Variants in IQSEC1 observed in about 807,000 individuals in gnomAD.
IQSEC1 encodes IQ motif and Sec7 domain ArfGEF 1.
Under a neutral mutation model 91.0 loss-of-function variants are expected in IQSEC1, and 31 were observed. The ratio of observed to expected loss-of-function variants is 0.34; its 90% confidence interval spans 0.26 to 0.46. The LOEUF (loss-of-function observed/expected upper bound fraction) is 0.46. IQSEC1 is among the 20% of genes least tolerant of loss of function. The pLI is 1.00. For synonymous variants in IQSEC1, 699 were observed against 662.6 expected (o/e 1.05, Z -0.84); for missense variants, 1,388 against 1,575.6 (o/e 0.88, Z 2.02).
At chr3:13,137,181 A>G (rs545942846) in intron 2 of IQSEC1, among the ~76,000 whole-genome samples, 1 of 152,326 alleles carries the variant, frequency 6.6e-6, no homozygotes, top group East Asian at 1.9e-4. Flanking sequence ...GACCACTCAC[A>G]TACCTGTAAT....
intron 1 of IQSEC1, among the ~76,000 whole-genome samples, chr3:13,002,487 T>C (rs973949310): frequency 2.7e-5 from 4 of 148,466 alleles, no homozygotes; most frequent in Non-Finnish European, 4.4e-5. Context: ...TTCGAGACTG[T>C]AGGGAGCCAT....
intron 1 of IQSEC1, among the ~76,000 whole-genome samples, chr3:13,257,562 A>G (rs1169100966): frequency 6.6e-6 from 1 of 151,878 alleles, no homozygotes; most frequent in Non-Finnish European, 1.5e-5. Flanking sequence ...AGCCTCAGGG[A>G]GACTCGGGAC....
At position 12,908,199 on chromosome 3, in the gene IQSEC1, A is replaced by T; in HGVS notation, c.2755+150T>A. ...TTGGGGCGCCCTTTCTGTATGTCAC[A>T]CGCTGCTCTGCTTTGCGGAAGGTCA... is the stretch of plus-strand genomic sequence containing the variant. On this transcript the variant is annotated intron_variant, in intron 12 of 13. Coordinates refer to ENST00000613206, the MANE Select transcript of IQSEC1 (RefSeq NM_001134382.3). This position sits in a 1 kb window ranked among gnomAD's most constrained non-coding sequence, Gnocchi z 4.9. 1.3e-6 allele frequency: 1 copy of T among 771,588 alleles called. No individual in the cohort carries two copies. The highest frequency in any genetic ancestry group is 2.7e-5 in the East Asian group (1 of 37,072). 47.8% of individuals were successfully genotyped at this position (771,588 alleles called of 1,614,324 possible).
intron 1 of IQSEC1, among the ~76,000 whole-genome samples, chr3:13,000,944 G>A (rs575077337): frequency 7.9e-6 from 1 of 125,788 alleles, no homozygotes; most frequent in South Asian, 2.7e-4. Flanking sequence ...TTACCCAAGT[G>A]AGTCTTTTTT....
Position 12,922,245 on chromosome 3 carries a change from G to T in IQSEC1, c.1731-3C>A, listed in dbSNP as rs1470770818. 6.3e-7 allele frequency: 1 copy of T among 1,583,454 alleles called. No homozygotes were observed. Among genetic ancestry groups the T allele is most frequent in the Non-Finnish European group, 8.6e-7 (1 of 1,158,808 alleles). ...AGTCCATCTCGTCCACGACGCAGCT[G>T]GAATAGAGACAGACAGCCCCGCATA... On this transcript the variant is annotated splice_polypyrimidine_tract_variant and splice_region_variant and intron_variant, in intron 4 of 13. Coordinates refer to ENST00000613206, the MANE Select transcript of IQSEC1 (RefSeq NM_001134382.3). The surrounding 1 kb of genome is among the most constrained non-coding windows in gnomAD (Gnocchi z 5.1).
chr3:13,210,520 C>T (rs1694424509), intron 1 of IQSEC1, among the ~76,000 whole-genome samples: 1 of 152,168 alleles, frequency 6.6e-6, no homozygotes. Flanking sequence ...CTGTAGTGCT[C>T]AGAAGGAGGG....
At chr3:12,919,167 A>G (rs1044368642) in intron 6 of IQSEC1, among the ~76,000 whole-genome samples, 4 of 152,202 alleles carry the variant, frequency 2.6e-5, no homozygotes, top group African/African-American at 9.6e-5. Context: ...TGTACCATCA[A>G]AGTGTCCACT....
chr3:13,253,432 C>A (rs898571074), intron 1 of IQSEC1, among the ~76,000 whole-genome samples: 2 of 152,132 alleles, frequency 1.3e-5, no homozygotes, highest in African/African-American at 4.8e-5. Flanking sequence ...GCCAAGATGG[C>A]GGGTATTGAG....
chr3:13,166,603 A>G (rs916186471), intron 1 of IQSEC1, among the ~76,000 whole-genome samples: 4 of 152,256 alleles, frequency 2.6e-5, no homozygotes, highest in African/African-American at 9.6e-5. Flanking sequence ...ATTGGCCCCT[A>G]AAATGTGGTG....
At chr3:13,130,114 G>C (rs1706585710) in intron 2 of IQSEC1, among the ~76,000 whole-genome samples, 1 of 151,356 alleles carries the variant, frequency 6.6e-6, no homozygotes, top group Non-Finnish European at 1.5e-5. Context: ...GGGAGGCCGA[G>C]GCGGGAGGAT....
chr3:13,201,853 TGA>T (rs1694251910), intron 1 of IQSEC1, among the ~76,000 whole-genome samples: 1 of 152,264 alleles, frequency 6.6e-6, no homozygotes, highest in Admixed American at 6.5e-5. Context: ...TCTGTGTTGC[TGA>T]GAGAGTTCAT....
At chr3:13,260,982 T>C (rs541885474) in intron 1 of IQSEC1, among the ~76,000 whole-genome samples, 2 of 152,320 alleles carry the variant, frequency 1.3e-5, no homozygotes, top group African/African-American at 4.8e-5. Context: ...GTGTGGGGAC[T>C]GGGGATGGCC....
chr3:13,063,412 C>T (rs2125093618), intron 1 of IQSEC1, among the ~76,000 whole-genome samples: 1 of 152,288 alleles, frequency 6.6e-6, no homozygotes, highest in East Asian at 1.9e-4. Context: ...TGTCTCTGTC[C>T]CAGCTGCCCA....
chr3:12,979,927 G>A lies in IQSEC1; in HGVS notation c.24-38062C>T, dbSNP rs1333640002. The stretch of plus-strand genomic sequence containing the variant: ...GCAACAAGAAACAGCATACTCAAGC[G>A]AGAAATGATTTCCCGACTACCTGAG... On this transcript the variant is annotated intron_variant, in intron 1 of 13. Coordinates refer to ENST00000613206, the MANE Select transcript of IQSEC1 (RefSeq NM_001134382.3). This position sits in a 1 kb window ranked among gnomAD's most constrained non-coding sequence, Gnocchi z 4.3. 1.5e-4 allele frequency among the ~76,000 whole-genome samples: 23 copies of A among 152,164 alleles called. No homozygotes were observed. Among genetic ancestry groups the A allele is most frequent in the Non-Finnish European group, 4.4e-5 (3 of 68,042 alleles).
intron 2 of IQSEC1, among the ~76,000 whole-genome samples, chr3:13,089,639 A>T (rs1705803056): frequency 6.6e-6 from 1 of 152,198 alleles, no homozygotes; most frequent in Non-Finnish European, 1.5e-5. Context: ...ACATGGATAA[A>T]CCTTGGAAAC....
chr3:13,278,407 C>T (rs890108770), intron 1 of IQSEC1, among the ~76,000 whole-genome samples: 3 of 152,222 alleles, frequency 2.0e-5, no homozygotes. Flanking sequence ...AGATTGCACA[C>T]GGCAGGGTGG....
chr3:13,133,038 C>T (rs1009304998), intron 2 of IQSEC1, among the ~76,000 whole-genome samples: 2 of 152,232 alleles, frequency 1.3e-5, no homozygotes, highest in African/African-American at 2.4e-5. Context: ...ATCGACATGG[C>T]CTGAATGAAC....
intron 2 of IQSEC1, among the ~76,000 whole-genome samples, chr3:13,100,008 A>G (rs1706030920): frequency 6.7e-6 from 1 of 149,614 alleles, no homozygotes; most frequent in South Asian, 2.1e-4. Flanking sequence ...CAGGCCTTGG[A>G]AGGACTCGGC....
At chr3:12,952,919 T>C (rs1248823493) in intron 1 of IQSEC1, among the ~76,000 whole-genome samples, 1 of 152,174 alleles carries the variant, frequency 6.6e-6, no homozygotes, top group Admixed American at 6.5e-5. Context: ...GACCTGAGCA[T>C]ATCTGAATGG....
Sources: gnomAD v4.1 joint callset for allele counts (sites outside exome capture counted in the v4.1 genomes callset) on GRCh38, gnomAD v4.1.1 for gene constraint, Gnocchi (gnomAD v3.1) non-coding constraint, MANE v1.5 for transcripts, NCBI Gene and HGNC (gene_info 2026-07-23, HGNC 2026-07-21) for gene names.